The following NPNT variants were observed in gnomAD, a reference collection of about 807,000 sequenced individuals.
NPNT encodes nephronectin.
In NPNT, 45 loss-of-function variants were observed where a neutral mutation model predicts 68.6. The ratio of observed to expected loss-of-function variants is 0.66; its 90% CI spans 0.52 to 0.84. The LOEUF (loss-of-function observed/expected upper bound fraction) is 0.84. Ranked by LOEUF, NPNT falls within the 40% of genes least tolerant of loss-of-function variation. NPNT has a pLI of 0.00. For missense variants in NPNT, 672 were observed against 714.8 expected (o/e 0.94, Z 0.68); for synonymous variants, 233 against 253.3 (o/e 0.92, Z 0.76).
In NPNT at chr4:105,914,365, C is replaced by CTA. The variant is rs1328723773; in HGVS notation, c.173-12970_173-12969insAT. 2.4e-3 allele frequency among the ~76,000 whole-genome samples: 320 copies of CTA among 135,538 alleles called. 1 individual carries two copies. Among genetic ancestry groups the CTA allele is most frequent in the African/African-American group, 8.2e-3 (299 of 36,380 alleles). The allele number at this position is 135,538 out of a possible 152,430, so 88.9% of individuals were successfully genotyped here. A position where few individuals can be genotyped will look rare whatever the true frequency, so the allele number is the denominator to read the frequency against. Reference sequence around the variant, plus strand: ...CTCTCTCTCTCCATTCTCTCTCTCTCTCTCTCTCTATATATATAATATATA... The same window carrying CTA: ...CTCTCTCTCTCCATTCTCTCTCTCTCTATCTCTCTCTATATATATAATATATA... On this transcript the variant is annotated intron_variant, in intron 2 of 11. Transcript: ENST00000379987.
At chr4:105,927,836 A>C (rs1273849828) in intron 3 of NPNT, among the ~76,000 whole-genome samples, 1 of 152,172 alleles carries the variant, frequency 6.6e-6, no homozygotes, top group Non-Finnish European at 1.5e-5. Flanking sequence ...GTTTCCTCCT[A>C]ACTCTGAGCC....
chr4:105,906,240 C>T (rs1330984669), intron 2 of NPNT, among the ~76,000 whole-genome samples: 1 of 152,118 alleles, frequency 6.6e-6, no homozygotes, highest in African/African-American at 2.4e-5. Context: ...AAAAAGCAAA[C>T]AAGTTATGTG....
At chr4:105,932,723 G>A in intron 3 of NPNT, 1 of 1,506,894 alleles carries the variant, frequency 6.6e-7, no homozygotes, top group Non-Finnish European at 8.9e-7. Flanking sequence ...CATTGTCCCA[G>A]GTGGTCTGCT....
At chr4:105,910,938 A>G (rs1326628524) in intron 2 of NPNT, among the ~76,000 whole-genome samples, 1 of 152,130 alleles carries the variant, frequency 6.6e-6, no homozygotes, top group Non-Finnish European at 1.5e-5. Context: ...ACCTTTGCTT[A>G]CAATAATTTA....
intron 2 of NPNT, among the ~76,000 whole-genome samples, chr4:105,898,841 T>C (rs1340085861): frequency 6.6e-6 from 1 of 152,162 alleles, no homozygotes; most frequent in Admixed American, 6.5e-5. Context: ...AAAAAAATAG[T>C]CTTCAAATGA....
intron 2 of NPNT, among the ~76,000 whole-genome samples, chr4:105,909,562 A>T (rs946713304): frequency 6.6e-6 from 1 of 152,228 alleles, no homozygotes; most frequent in Non-Finnish European, 1.5e-5. Flanking sequence ...GTTCTAAAGT[A>T]GTGTACTGAA....
At chr4:105,903,783 CTTTTTTTT>C (rs746122761) in intron 2 of NPNT, among the ~76,000 whole-genome samples, 1 of 126,982 alleles carries the variant, frequency 7.9e-6, no homozygotes, top group Admixed American at 8.0e-5. Context: ...GACCTTCTTA[CTTTTTTTT>C]TTTTTTTTTT....
Position 105,927,436 on chromosome 4 carries a change from A to G in NPNT, c.265+8A>G, listed in dbSNP as rs1386640534. On this transcript the variant is annotated splice_region_variant and intron_variant, in intron 3 of 11. Transcript: ENST00000379987. ...GAAAAACCTGTAATCAAGGTAGGAA[A>G]ACAGTCTGACATAAATACACAATCG... The G allele has an allele frequency of 1.3e-6, 2 of 1,568,952 alleles. No homozygotes were observed. Among genetic ancestry groups the G allele is most frequent in the Non-Finnish European group, 1.8e-6 (2 of 1,140,046 alleles).
chr4:105,964,036 C>T (rs969199841), intron 10 of NPNT, among the ~76,000 whole-genome samples: 1 of 152,022 alleles, frequency 6.6e-6, no homozygotes, highest in African/African-American at 2.4e-5. Flanking sequence ...GCCAGAATAC[C>T]TGGTCTGGAA....
rs1727320515 is a variant in NPNT at position 105,911,016 on chromosome 4, C to CT, written c.172+13019dup. On this transcript the variant is annotated intron_variant, in intron 2 of 11. Transcript: ENST00000379987. Reference sequence around the variant, plus strand: ...TAAAGAATATTAAAGAAACGGTATCCTTTTATATTTTTTCTGTCTCATATA... The same window carrying CT: ...TAAAGAATATTAAAGAAACGGTATCCTTTTTATATTTTTTCTGTCTCATATA... Among the ~76,000 whole-genome samples, 3 of 151,984 alleles carry CT rather than the reference C, an allele frequency of 2.0e-5. No individual in the cohort carries two copies. In the South Asian group the frequency reaches 6.2e-4, roughly 32 times the overall value.
chr4:105,956,517 C>T (rs1012436555), intron 8 of NPNT, among the ~76,000 whole-genome samples: 2 of 151,920 alleles, frequency 1.3e-5, no homozygotes, highest in Admixed American at 6.6e-5. Flanking sequence ...TCATAATGTC[C>T]CTGGAATATG....
At chr4:105,924,066 TC>T (rs753022578) in intron 2 of NPNT, among the ~76,000 whole-genome samples, 3 of 151,420 alleles carry the variant, frequency 2.0e-5, no homozygotes, top group Non-Finnish European at 4.4e-5. Flanking sequence ...TTGCTTATAT[TC>T]TGAAAGTCTT....
intron 1 of NPNT, 95 bp from the exon 2 acceptor site, chr4:105,897,806 G>C (rs1267299978): frequency 1.1e-6 from 1 of 939,906 alleles, no homozygotes; most frequent in African/African-American, 1.6e-5. Context: ...AAATTGTTGG[G>C]TGTGGTTGAC....
At chr4:105,927,197 A>G in intron 2 of NPNT, 139 bp from the exon 3 acceptor site, 1 of 570,918 alleles carries the variant, frequency 1.8e-6, no homozygotes, top group Non-Finnish European at 3.2e-6. Flanking sequence ...TTTATAGGAA[A>G]CTGATTTTGT....
At chr4:105,933,559 G>T (rs1212389849) in intron 3 of NPNT, among the ~76,000 whole-genome samples, 1 of 152,114 alleles carries the variant, frequency 6.6e-6, no homozygotes, top group Non-Finnish European at 1.5e-5. Flanking sequence ...TAAAATTTTG[G>T]TAGTTGACAT....
intron 2 of NPNT, among the ~76,000 whole-genome samples, chr4:105,925,231 A>T (rs537848539): frequency 1.3e-5 from 2 of 152,268 alleles, no homozygotes; most frequent in South Asian, 4.1e-4. Context: ...TTTGAATTTA[A>T]TGCCATGTTT....
chr4:105,896,931 T>C (rs1725908076), intron 1 of NPNT, among the ~76,000 whole-genome samples: 1 of 152,194 alleles, frequency 6.6e-6, no homozygotes, highest in South Asian at 2.1e-4. Context: ...GTAGACCTTT[T>C]TATTTTATTT....
intron 8 of NPNT, among the ~76,000 whole-genome samples, chr4:105,950,940 T>G (rs997703333): frequency 6.6e-6 from 1 of 152,192 alleles, no homozygotes; most frequent in African/African-American, 2.4e-5. Flanking sequence ...GTCTTTAATG[T>G]GTACACAAAT....
At chr4:105,956,837 T>C (rs990058584) in intron 8 of NPNT, among the ~76,000 whole-genome samples, 1 of 152,120 alleles carries the variant, frequency 6.6e-6, no homozygotes. Context: ...TTTTCTTTCA[T>C]TGCTGCCCAG....
Sources: gnomAD v4.1 joint callset for allele counts (sites outside exome capture counted in the v4.1 genomes callset) on GRCh38, gnomAD v4.1.1 for gene constraint, MANE v1.5 for transcripts, NCBI Gene and HGNC (gene_info 2026-07-23, HGNC 2026-07-21) for gene names.